The following TMEM163 variants were observed in gnomAD, a reference collection of about 807,000 sequenced individuals.
The protein encoded by TMEM163 is transmembrane protein 163.
A neutral mutation model predicts 29.3 loss-of-function variants in TMEM163; 17 were observed. The observed-to-expected ratio is 0.58, with a 90% confidence interval of 0.40 to 0.87. TMEM163 has a LOEUF of 0.87. TMEM163 is among the 40% of genes least tolerant of loss of function. TMEM163 has a pLI of 0.00. For synonymous variants in TMEM163, 157 were observed against 160.6 expected (o/e 0.98, Z 0.17); for missense variants, 303 against 381.5 (o/e 0.79, Z 1.71).
intron 2 of TMEM163, among the ~76,000 whole-genome samples, chr2:134,609,067 C>T (rs1209662065): frequency 1.2e-5 from 1 of 82,448 alleles, no homozygotes; most frequent in African/African-American, 4.9e-5. Context: ...AAAGGACAGA[C>T]CCCGAGAACT....
intron 2 of TMEM163, among the ~76,000 whole-genome samples, chr2:134,636,311 A>G (rs780570073): frequency 6.6e-6 from 1 of 152,252 alleles, no homozygotes; most frequent in Admixed American, 6.5e-5. Context: ...ACTTGTTTCT[A>G]CAGTCCACAA....
chr2:134,471,030 G>A (rs923759542), intron 5 of TMEM163, among the ~76,000 whole-genome samples: 2 of 152,174 alleles, frequency 1.3e-5, no homozygotes, highest in African/African-American at 4.8e-5. Flanking sequence ...ATATTAGCCA[G>A]GCATAGTGGC....
intron 4 of TMEM163, among the ~76,000 whole-genome samples, chr2:134,512,619 C>T (rs1207117928): frequency 1.3e-5 from 2 of 152,198 alleles, no homozygotes; most frequent in African/African-American, 4.8e-5. Context: ...TCCACTGCAC[C>T]TTGTGCCAGG....
In TMEM163 at chr2:134,688,628, T is replaced by C. The variant is rs117903464; in HGVS notation, c.322+24572A>G. Among the ~76,000 whole-genome samples the C allele has an allele frequency of 7.2e-4, 109 of 152,360 alleles. 2 individuals carry two copies. The East Asian group carries it at 0.015, about 20-fold the overall frequency. On this transcript the variant is annotated intron_variant, in intron 2 of 7. Coordinates refer to ENST00000281924, the MANE Select transcript of TMEM163 (RefSeq NM_030923.5). ...ACCCAAATCCCTCAGCTGTAACTAT[T>C]TCTCCACTGGAGACATTCATAGACA...
At chr2:134,619,207 AGTC>A (rs200677190) in intron 2 of TMEM163, among the ~76,000 whole-genome samples, 2,372 of 152,324 alleles carry the variant, frequency 0.016, 51 homozygotes, top group African/African-American at 0.054. Context: ...CACTAATAGT[AGTC>A]AATTTCTTTC....
At chr2:134,663,941 T>C (rs1683816014) in intron 2 of TMEM163, among the ~76,000 whole-genome samples, 1 of 152,240 alleles carries the variant, frequency 6.6e-6, no homozygotes, top group Non-Finnish European at 1.5e-5. Flanking sequence ...GCACCCAACC[T>C]GGCCAGCCTG....
rs35569678 is a variant in TMEM163, at chr2:134,460,083, C to CT, written c.668-1911_668-1910insA. Among the ~76,000 whole-genome samples the CT allele has an allele frequency of 6.8e-6, 1 of 147,996 alleles. No homozygotes were observed. The highest frequency in any genetic ancestry group is 6.7e-5 in the Admixed American group (1 of 14,982). ...GCCCCTTGCCAGATGTTACCCCCCC[C>CT]CAAATTCATTCTCACTCTCCCCGCT... On this transcript the variant is annotated intron_variant, in intron 6 of 7. Transcript: ENST00000281924. This position sits in a 1 kb window ranked among gnomAD's most constrained non-coding sequence, Gnocchi z 4.3.
intron 6 of TMEM163, among the ~76,000 whole-genome samples, chr2:134,462,162 G>C (rs1334033525): frequency 6.6e-6 from 1 of 151,312 alleles, no homozygotes; most frequent in Non-Finnish European, 1.5e-5. Context: ...TCTGCTCTCT[G>C]TCTCTCTCTC....
intron 2 of TMEM163, among the ~76,000 whole-genome samples, chr2:134,693,527 T>C (rs1219371701): frequency 6.7e-6 from 1 of 149,526 alleles, no homozygotes; most frequent in African/African-American, 2.5e-5. Context: ...GAGAATTGCT[T>C]GAGCCCAAGA....
chr2:134,539,975 G>T (rs938494413), intron 4 of TMEM163, among the ~76,000 whole-genome samples: 1 of 152,146 alleles, frequency 6.6e-6, no homozygotes, highest in Non-Finnish European at 1.5e-5. Context: ...AACTCAGCCC[G>T]CTCACCTCCA....
chr2:134,537,858 C>T (rs1202150396), intron 4 of TMEM163, among the ~76,000 whole-genome samples: 3 of 152,096 alleles, frequency 2.0e-5, no homozygotes, highest in Admixed American at 2.0e-4. Context: ...AACAATGACC[C>T]ACTACTTCAA....
intron 2 of TMEM163, among the ~76,000 whole-genome samples, chr2:134,663,170 T>C (rs72972206): frequency 0.044 from 6,628 of 152,268 alleles, 490 homozygotes; most frequent in African/African-American, 0.15. Context: ...AAAAGGCACA[T>C]AGGTGGAGAT....
chr2:134,575,168 G>A (rs892424190), intron 2 of TMEM163, among the ~76,000 whole-genome samples: 3 of 152,080 alleles, frequency 2.0e-5, no homozygotes, highest in Admixed American at 6.5e-5. Flanking sequence ...AGCTTGAGTG[G>A]GAAGAATCGA....
chr2:134,556,641 G>A (rs578239119), intron 2 of TMEM163, among the ~76,000 whole-genome samples: 8 of 152,192 alleles, frequency 5.3e-5, no homozygotes, highest in African/African-American at 1.9e-4. Flanking sequence ...GCAATATAGT[G>A]AGACCTCATC....
At chr2:134,541,772 GCACACACACACACACA>G (rs57326163) in intron 4 of TMEM163, among the ~76,000 whole-genome samples, 10 of 149,990 alleles carry the variant, frequency 6.7e-5, no homozygotes, top group South Asian at 2.1e-4. Flanking sequence ...GTACACACGT[GCACACACACACACACA>G]CACACACACA....
At chr2:134,700,855 C>T (rs1030283793) in intron 2 of TMEM163, among the ~76,000 whole-genome samples, 4 of 150,786 alleles carry the variant, frequency 2.7e-5, no homozygotes, top group East Asian at 1.9e-4. Context: ...GCTGAGAGAC[C>T]GTGACACTGC....
rs560440768 is a variant in TMEM163 at position 134,487,212 on chromosome 2, A to C, written c.555+15689T>G. ...AAAGTGGCATTATAAAACATACCCAAAATAATCCATTGATAAAAATAAAAC... is the reference window on the plus strand; with the variant it reads ...AAAGTGGCATTATAAAACATACCCACAATAATCCATTGATAAAAATAAAAC... On this transcript the variant is annotated intron_variant, in intron 5 of 7. Coordinates refer to ENST00000281924, the MANE Select transcript of TMEM163 (RefSeq NM_030923.5). 5.3e-5 allele frequency among the ~76,000 whole-genome samples: 8 copies of C among 152,320 alleles called. No homozygotes were observed. The East Asian group carries it at 1.5e-3, about 29-fold the overall frequency.
intron 2 of TMEM163, among the ~76,000 whole-genome samples, chr2:134,619,656 A>G (rs898092039): frequency 6.6e-6 from 1 of 152,226 alleles, no homozygotes; most frequent in Non-Finnish European, 1.5e-5. Context: ...GCAGATACTA[A>G]GCAAGGATAA....
At chr2:134,656,362 C>T (rs892745028) in intron 2 of TMEM163, among the ~76,000 whole-genome samples, 12 of 151,840 alleles carry the variant, frequency 7.9e-5, no homozygotes, top group Admixed American at 6.6e-4. Flanking sequence ...ACTCCCTGAC[C>T]CCTCGCGCTT....
Sources: allele counts gnomAD v4.1 joint callset (sites outside exome capture counted in the v4.1 genomes callset), GRCh38; gene constraint gnomAD v4.1.1; non-coding constraint Gnocchi (gnomAD v3.1); transcripts MANE v1.5; gene names NCBI Gene and HGNC (gene_info 2026-07-23, HGNC 2026-07-21).